Variants in FERRY3 observed in about 807,000 individuals in gnomAD.
The protein encoded by FERRY3 is protein C12orf4.
chr12:4,522,164 G>A, the FERRY3 span, among the ~76,000 whole-genome samples: 17 of 152,124 alleles, frequency 1.1e-4, no homozygotes, highest in South Asian at 4.1e-4. Flanking sequence ...TAGGTCAGGC[G>A]GTAAATCTTA....
At chr12:4,526,627 A>T in the FERRY3 span, among the ~76,000 whole-genome samples, 3 of 152,072 alleles carry the variant, frequency 2.0e-5, no homozygotes, top group African/African-American at 7.2e-5. Context: ...GGATCACCTG[A>T]GGTCAGGAGT....
At chr12:4,490,403 C>T in the FERRY3 span, 241 of 699,902 alleles carry the variant, frequency 3.4e-4, 1 homozygote, top group African/African-American at 3.9e-3. Context: ...CCTTAAAAAA[C>T]AGAAAGCGAT....
chr12:4,510,709 AC>A, the FERRY3 span, among the ~76,000 whole-genome samples: 12 of 148,956 alleles, frequency 8.1e-5, no homozygotes, highest in African/African-American at 3.0e-4. Flanking sequence ...AGATTTTGTC[AC>A]CACCAGGCCT....
At chr12:4,525,448 C>A in the FERRY3 span, 1 of 1,600,640 alleles carries the variant, frequency 6.2e-7, no homozygotes, top group South Asian at 1.1e-5. Flanking sequence ...AAAGAAAATG[C>A]AACTGCATAC....
At chr12:4,518,268 A>G in the FERRY3 span, 1 of 1,612,032 alleles carries the variant, frequency 6.2e-7, no homozygotes, top group Non-Finnish European at 8.5e-7. Flanking sequence ...GGGGGTAGGC[A>G]ATAGTCCAGG....
At chr12:4,515,878 C>T in the FERRY3 span, among the ~76,000 whole-genome samples, 4 of 152,118 alleles carry the variant, frequency 2.6e-5, no homozygotes, top group Non-Finnish European at 5.9e-5. Context: ...AATTATTTTA[C>T]AATATCTGTG....
chr12:4,534,006 G>C, the FERRY3 span: 6 of 768,666 alleles, frequency 7.8e-6, no homozygotes, highest in Non-Finnish European at 1.1e-5. Context: ...CCCTGATATA[G>C]GAAGCACAGA....
At chr12:4,526,306 G>A in the FERRY3 span, among the ~76,000 whole-genome samples, 5,520 of 152,202 alleles carry the variant, frequency 0.036, 334 homozygotes, top group African/African-American at 0.12. Flanking sequence ...TTACATGGTC[G>A]TGCTTAATTT....
the FERRY3 span, chr12:4,490,479 T>C: frequency 2.1e-6 from 3 of 1,461,818 alleles, no homozygotes; most frequent in Non-Finnish European, 2.8e-6. Context: ...AGAAATCTAA[T>C]AAAAGAGATT....
At chr12:4,535,948 T>G in the FERRY3 span, 1 of 1,294,030 alleles carries the variant, frequency 7.7e-7, no homozygotes, top group Non-Finnish European at 1.0e-6. The surrounding 1 kb of genome is among the most constrained non-coding windows in gnomAD (Gnocchi z 4.0). Flanking sequence ...CTTTCTAATA[T>G]GAAACTTCCA....
the FERRY3 span, among the ~76,000 whole-genome samples, chr12:4,526,633 G>T: frequency 6.6e-6 from 1 of 152,070 alleles, no homozygotes; most frequent in South Asian, 2.1e-4. Context: ...CCTGAGGTCA[G>T]GAGTTCAAGA....
the FERRY3 span, among the ~76,000 whole-genome samples, chr12:4,532,423 AT>A: frequency 6.6e-6 from 1 of 152,038 alleles, no homozygotes. Flanking sequence ...CTCGCAACAT[AT>A]TTTCCTACTT....
At chr12:4,532,830 T>G in the FERRY3 span, among the ~76,000 whole-genome samples, 2 of 152,332 alleles carry the variant, frequency 1.3e-5, no homozygotes, top group South Asian at 4.1e-4. Context: ...TCAACTCCCT[T>G]GACTGATGTA....
At chr12:4,489,447 T>C in the FERRY3 span, 1 of 159,138 alleles carries the variant, frequency 6.3e-6, no homozygotes, top group African/African-American at 2.4e-5. Context: ...GGATTGCACC[T>C]GAGACGAGTC....
chr12:4,510,077 C>G, the FERRY3 span, among the ~76,000 whole-genome samples: 4 of 139,536 alleles, frequency 2.9e-5, no homozygotes, highest in African/African-American at 1.2e-4. Context: ...AAAACCAAGG[C>G]TCGAGATCTA....
the FERRY3 span, chr12:4,491,310 T>C: frequency 2.4e-6 from 3 of 1,272,802 alleles, no homozygotes; most frequent in East Asian, 2.3e-5. Flanking sequence ...TCTTTATCTA[T>C]AGTGTTGACT....
the FERRY3 span, among the ~76,000 whole-genome samples, chr12:4,515,000 C>T: frequency 1.3e-5 from 2 of 152,116 alleles, no homozygotes; most frequent in Non-Finnish European, 2.9e-5. Context: ...TTAGTGGGTG[C>T]AGCACACCAG....
the FERRY3 span, among the ~76,000 whole-genome samples, chr12:4,534,560 T>C: frequency 7.2e-5 from 11 of 152,058 alleles, no homozygotes; most frequent in East Asian, 3.9e-4. Context: ...CATGCCACCA[T>C]GCATGGCTAA....
chr12:4,509,728 C>T, the FERRY3 span, among the ~76,000 whole-genome samples: 120 of 141,668 alleles, frequency 8.5e-4, no homozygotes, highest in Admixed American at 5.5e-3. Flanking sequence ...AAAGGACATC[C>T]ACACCAAAAA....
Sources: allele counts gnomAD v4.1 joint callset (sites outside exome capture counted in the v4.1 genomes callset), GRCh38; gene constraint gnomAD v4.1.1; non-coding constraint Gnocchi (gnomAD v3.1); transcripts MANE v1.5; gene names NCBI Gene and HGNC (gene_info 2026-07-23, HGNC 2026-07-21).